The following CALD1 variants were observed in gnomAD, a reference collection of about 807,000 sequenced individuals.
The protein encoded by CALD1 is caldesmon 1, also known as caldesmon.
A neutral mutation model predicts 99.9 loss-of-function variants in CALD1; 33 were observed. That is an observed-to-expected ratio of 0.33 (90% CI 0.25 to 0.44). The LOEUF is 0.44. Ranked by LOEUF, CALD1 falls within the 20% of genes least tolerant of loss-of-function variation. The probability of loss-of-function intolerance (pLI) is 1.00; values close to 1 mark genes in which losing one functional copy is unlikely to be tolerated. For missense variants in CALD1, 861 were observed against 962.1 expected (o/e 0.89, Z 1.39); for synonymous variants, 310 against 325.0 (o/e 0.95, Z 0.50).
Position 134,867,775 on chromosome 7 carries a change from G to C in CALD1, c.42G>C (p.Lys14Asn), listed in dbSNP as rs763901008. ...FERRRELRRQ[K>N]REEMRLEAER... Reference sequence around the variant, plus strand: ...GTCGCAGAGAACTTAGAAGGCAAAAGAGGGAGGAGATGCGACTCGAAGCAG... The same window carrying C: ...GTCGCAGAGAACTTAGAAGGCAAAACAGGGAGGAGATGCGACTCGAAGCAG... Residue 14 changes from lysine to asparagine, a missense_variant, in exon 3 of 15, where the codon AAG (lysine) becomes AAC (asparagine). Coordinates refer to ENST00000361675, the MANE Select transcript of CALD1 (RefSeq NM_033138.4). The C allele has an allele frequency of 3.1e-6, 5 of 1,610,032 alleles. No homozygotes were observed. In the South Asian group the frequency reaches 5.5e-5, roughly 18 times the overall value.
chr7:134,947,416 G>C lies in CALD1; in HGVS notation c.1533-92G>C, dbSNP rs570440555. 4.6e-6 allele frequency: 6 copies of C among 1,312,788 alleles called. No individual in the cohort carries two copies. In the South Asian group the frequency reaches 8.5e-5, roughly 19 times the overall value. The allele number at this position is 1,312,788 out of a possible 1,614,324, so 81.3% of individuals were successfully genotyped here. ...ATGAGAGGCAGTGGGTATTTAGTCGGGGATGCAGAAGCCGCAGACCGACCT... is the reference window on the plus strand; with the variant it reads ...ATGAGAGGCAGTGGGTATTTAGTCGCGGATGCAGAAGCCGCAGACCGACCT... On this transcript the variant is annotated intron_variant, in intron 7 of 14. Coordinates refer to ENST00000361675, the MANE Select transcript of CALD1 (RefSeq NM_033138.4).
intron 14 of CALD1, 102 bp downstream of exon 14, chr7:134,965,488 T>C: frequency 1.4e-6 from 1 of 722,502 alleles, no homozygotes; most frequent in South Asian, 1.5e-5. Context: ...GACCTACAGA[T>C]CTTTGCCTGC....
At chr7:134,873,533 T>C (rs1259287006) in intron 3 of CALD1, among the ~76,000 whole-genome samples, 2 of 152,258 alleles carry the variant, frequency 1.3e-5, no homozygotes, top group East Asian at 1.9e-4. Context: ...ACATTTTATG[T>C]GTGTCTAGTA....
the CALD1 span, among the ~76,000 whole-genome samples, chr7:134,735,862 A>C: frequency 0.66 from 100,691 of 151,906 alleles, 33,904 homozygotes; most frequent in East Asian, 0.89. Flanking sequence ...GAGTTTGATA[A>C]AGTCCTTAAA....
intron 3 of CALD1, among the ~76,000 whole-genome samples, chr7:134,872,251 G>A (rs938107958): frequency 1.3e-5 from 2 of 151,704 alleles, no homozygotes; most frequent in Non-Finnish European, 2.9e-5. Context: ...CAGCTACTCT[G>A]GAGGCTGAGG....
chr7:134,808,984 A>T (rs1798255209), intron 1 of CALD1, among the ~76,000 whole-genome samples: 1 of 152,232 alleles, frequency 6.6e-6, no homozygotes, highest in Admixed American at 6.5e-5. Context: ...TGAATATTTT[A>T]GGATGAAAAT....
At chr7:134,807,907 C>T (rs1215936315) in intron 1 of CALD1, among the ~76,000 whole-genome samples, 2 of 152,014 alleles carry the variant, frequency 1.3e-5, no homozygotes, top group Admixed American at 6.5e-5. Context: ...GGATTACAAG[C>T]GTAAGCCACC....
At chr7:134,763,917 C>CA (rs34036528) in intron 1 of CALD1, among the ~76,000 whole-genome samples, 3,598 of 103,164 alleles carry the variant, frequency 0.035, 160 homozygotes, top group African/African-American at 0.12. Flanking sequence ...GACTCCATCT[C>CA]AAAAAAAAAA....
rs1303818232 is a variant in CALD1 at position 134,955,923 on chromosome 7, C to T, written c.1936-2146C>T. Among the ~76,000 whole-genome samples the T allele has an allele frequency of 2.6e-5, 4 of 151,976 alleles. No individual in the cohort carries two copies. In the South Asian group the frequency reaches 6.2e-4, roughly 24 times the overall value. ...ATGGATAGATGGATGGATGGATGGA[C>T]GGACGGACGGATGGGTAATATTTAT... On this transcript the variant is annotated intron_variant, in intron 9 of 14. Transcript: ENST00000361675.
At chr7:134,747,724 A>T (rs1796648403) in intron 1 of CALD1, among the ~76,000 whole-genome samples, 2 of 152,224 alleles carry the variant, frequency 1.3e-5, no homozygotes, top group South Asian at 4.1e-4. Flanking sequence ...CTTGGCACCC[A>T]GCAAAGCCAT....
chr7:134,824,825 G>C (rs546889145), intron 1 of CALD1, among the ~76,000 whole-genome samples: 71 of 152,140 alleles, frequency 4.7e-4, no homozygotes, highest in African/African-American at 1.6e-3. Flanking sequence ...AAGAATATTT[G>C]ACACCCATTA....
intron 1 of CALD1, among the ~76,000 whole-genome samples, chr7:134,763,170 T>C (rs1796794067): frequency 6.6e-6 from 1 of 152,162 alleles, no homozygotes; most frequent in Non-Finnish European, 1.5e-5. Flanking sequence ...AATAAAAACT[T>C]CCCAGAAATT....
chr7:134,932,837 C>T (rs768529991), intron 4 of CALD1, 151 bp from the exon 5 acceptor site: 5 of 542,328 alleles, frequency 9.2e-6, no homozygotes, highest in South Asian at 3.2e-5. Flanking sequence ...GAAAGCCAGG[C>T]AGGCGTGTAC....
intron 2 of CALD1, among the ~76,000 whole-genome samples, chr7:134,859,741 G>A (rs940238079): frequency 6.6e-6 from 1 of 152,132 alleles, no homozygotes; most frequent in Non-Finnish European, 1.5e-5. Context: ...AAAATATAAA[G>A]TGCTCCAAAT....
At chr7:134,756,106 G>A (rs886165074) in intron 1 of CALD1, among the ~76,000 whole-genome samples, 36 of 151,372 alleles carry the variant, frequency 2.4e-4, no homozygotes, top group Non-Finnish European at 3.8e-4. Flanking sequence ...GGCCAGACTC[G>A]TCTTGAACTC....
At chr7:134,895,762 C>T (rs1283289396) in intron 3 of CALD1, among the ~76,000 whole-genome samples, 3 of 152,142 alleles carry the variant, frequency 2.0e-5, no homozygotes, top group East Asian at 3.9e-4. Flanking sequence ...TAGTGAACTT[C>T]CAGTTTCTCT....
At chr7:134,944,116 A>G (rs1312434591) in intron 7 of CALD1, among the ~76,000 whole-genome samples, 1 of 152,194 alleles carries the variant, frequency 6.6e-6, no homozygotes, top group African/African-American at 2.4e-5. Context: ...AAATTGACTG[A>G]GAGAGGAGTC....
intron 3 of CALD1, among the ~76,000 whole-genome samples, chr7:134,912,967 TA>T (rs1283033676): frequency 1.3e-5 from 2 of 151,996 alleles, no homozygotes; most frequent in Non-Finnish European, 2.9e-5. Context: ...CTTTGGGGAT[TA>T]AAAAAATTAA....
chr7:134,719,882 C>G, the CALD1 span, among the ~76,000 whole-genome samples: 1 of 152,136 alleles, frequency 6.6e-6, no homozygotes, highest in African/African-American at 2.4e-5. Context: ...AAGATGCCCC[C>G]GAAATGTTCA....
Sources: gnomAD v4.1 joint callset for allele counts (sites outside exome capture counted in the v4.1 genomes callset) on GRCh38, gnomAD v4.1.1 for gene constraint, MANE v1.5 for transcripts, NCBI Gene and HGNC (gene_info 2026-07-23, HGNC 2026-07-21) for gene names.